DSCAM: variants seen among roughly 807,000 people sequenced by gnomAD.
DSCAM encodes the protein cell adhesion molecule DSCAM.
In DSCAM, 47 loss-of-function variants were observed where a neutral mutation model predicts 217.7. The ratio of observed to expected loss-of-function variants is 0.22; its 90% CI spans 0.17 to 0.28. The LOEUF (loss-of-function observed/expected upper bound fraction) is 0.28, where lower values mean the gene tolerates loss of function less well. Among genes scored for constraint, DSCAM ranks in the 10% least tolerant of loss-of-function variants. The pLI, the probability that DSCAM is intolerant of heterozygous loss-of-function variation, is 1.00. For missense variants in DSCAM, 2,080 were observed against 2,618.3 expected (o/e 0.79, Z 4.49); for synonymous variants, 1,056 against 1,015.3 (o/e 1.04, Z -0.76).
intron 3 of DSCAM, chr21:40,384,932 G>A (rs527582763): frequency 1.3e-5 from 2 of 152,084 alleles, no homozygotes; most frequent in East Asian, 3.9e-4. Flanking sequence ...GTTAACATTT[G>A]GTGTAATTTG....
At chr21:40,033,684 A>T (rs923737566) in intron 32 of DSCAM, among the ~76,000 whole-genome samples, 2 of 151,828 alleles carry the variant, frequency 1.3e-5, no homozygotes, top group Admixed American at 1.3e-4. Context: ...CAGCTCAAGG[A>T]GGCCTGCCTG....
At chr21:40,796,211 C>T (rs180892829) in intron 1 of DSCAM, among the ~76,000 whole-genome samples, 1 of 152,168 alleles carries the variant, frequency 6.6e-6, no homozygotes, top group Non-Finnish European at 1.5e-5. Flanking sequence ...TCATTGACAT[C>T]AGGCTTGGCC....
chr21:40,489,699 C>A (rs370367783), intron 3 of DSCAM, among the ~76,000 whole-genome samples: 2 of 127,706 alleles, frequency 1.6e-5, no homozygotes, highest in South Asian at 2.7e-4. Flanking sequence ...GGCGTGAACC[C>A]GGGAGGCGGA....
intron 1 of DSCAM, among the ~76,000 whole-genome samples, chr21:40,714,240 G>A (rs1484205486): frequency 6.6e-6 from 1 of 152,182 alleles, no homozygotes; most frequent in African/African-American, 2.4e-5. Flanking sequence ...GTCCACTAGA[G>A]TAATGCCTAG....
At chr21:40,463,159 T>C (rs1056245515) in intron 3 of DSCAM, among the ~76,000 whole-genome samples, 5 of 152,142 alleles carry the variant, frequency 3.3e-5, no homozygotes, top group African/African-American at 1.2e-4. Flanking sequence ...TTCCTTAGGA[T>C]ACTAAAATGA....
chr21:40,569,972 T>C (rs1243755088), intron 3 of DSCAM, among the ~76,000 whole-genome samples: 2 of 152,288 alleles, frequency 1.3e-5, no homozygotes, highest in African/African-American at 2.4e-5. Flanking sequence ...ACAAAATGAA[T>C]GCCAAAAGCT....
intron 3 of DSCAM, among the ~76,000 whole-genome samples, chr21:40,632,439 T>C (rs1250344204): frequency 6.6e-6 from 1 of 152,160 alleles, no homozygotes; most frequent in East Asian, 1.9e-4. Flanking sequence ...CTATCACACA[T>C]ATATTGGGGA....
intron 19 of DSCAM, among the ~76,000 whole-genome samples, chr21:40,126,184 GAAATT>G (rs2090091500): frequency 6.7e-6 from 1 of 148,946 alleles, no homozygotes; most frequent in African/African-American, 2.5e-5. Flanking sequence ...AGTTAGAAAA[GAAATT>G]AAAAAGAGAA....
intron 8 of DSCAM, among the ~76,000 whole-genome samples, chr21:40,330,151 A>G (rs1344321369): frequency 6.6e-6 from 1 of 151,270 alleles, no homozygotes; most frequent in Admixed American, 6.6e-5. Flanking sequence ...TTTATTTAAA[A>G]TGTAAATACA....
chr21:40,838,393 G>T (rs941263128), intron 1 of DSCAM, among the ~76,000 whole-genome samples: 4 of 152,138 alleles, frequency 2.6e-5, no homozygotes, highest in Non-Finnish European at 5.9e-5. Flanking sequence ...ACCCATTCAC[G>T]CTGGTCCTAA....
chr21:40,265,207 A>C (rs1258338889), intron 11 of DSCAM, among the ~76,000 whole-genome samples: 2 of 148,372 alleles, frequency 1.3e-5, no homozygotes, highest in African/African-American at 5.0e-5. Context: ...AAAAAAAAAG[A>C]AAAAAAAAAG....
At chr21:40,158,841 A>AACAGGAAGAGTTTATT (rs1341880950) in intron 16 of DSCAM, among the ~76,000 whole-genome samples, 1 of 152,252 alleles carries the variant, frequency 6.6e-6, no homozygotes, top group Non-Finnish European at 1.5e-5. Flanking sequence ...TTTTCAAAAG[A>AACAGGAAGAGTTTATT]ACAGGAAGAG....
Position 40,020,905 on chromosome 21 carries a change from G to T in DSCAM, c.5687-7519C>A, listed in dbSNP as rs570707632. Among the ~76,000 whole-genome samples, 11 of 152,276 alleles carry T rather than the reference G, an allele frequency of 7.2e-5. No homozygotes were observed. The East Asian group carries it at 1.7e-3, about 24-fold the overall frequency. ...ATGAACCCACTGTGCTCTGCCCTGA[G>T]GCCAATGCCCTTCCTGTCAGAGACC... On this transcript the variant is annotated intron_variant, in intron 32 of 32. Transcript: ENST00000400454.
At chr21:40,825,594 G>C (rs1432829208) in intron 1 of DSCAM, among the ~76,000 whole-genome samples, 1 of 152,092 alleles carries the variant, frequency 6.6e-6, no homozygotes, top group Non-Finnish European at 1.5e-5. Flanking sequence ...CTGGGTTACA[G>C]GCATGAGCCA....
chr21:40,103,420 T>C (rs1418151873), intron 20 of DSCAM, among the ~76,000 whole-genome samples: 1 of 152,198 alleles, frequency 6.6e-6, no homozygotes, highest in Non-Finnish European at 1.5e-5. Context: ...TCTTCTTGTT[T>C]AGTGGCAAAG....
chr21:40,173,107 A>G (rs2090677018), intron 15 of DSCAM, among the ~76,000 whole-genome samples: 1 of 152,198 alleles, frequency 6.6e-6, no homozygotes, highest in Non-Finnish European at 1.5e-5. Flanking sequence ...GCAGTGAGTG[A>G]GCAGAACAAG....
intron 3 of DSCAM, among the ~76,000 whole-genome samples, chr21:40,541,997 A>G (rs2146134139): frequency 6.6e-6 from 1 of 152,340 alleles, no homozygotes; most frequent in African/African-American, 2.4e-5. Context: ...GAAAGCAAAG[A>G]AAGAACCAAG....
chr21:40,112,014 G>T (rs1238805805), intron 20 of DSCAM, among the ~76,000 whole-genome samples: 2 of 151,922 alleles, frequency 1.3e-5, no homozygotes, highest in African/African-American at 2.4e-5. Flanking sequence ...CAACGAGACA[G>T]AAAGTTAACA....
chr21:40,748,700 C>T (rs2091198356), intron 1 of DSCAM, among the ~76,000 whole-genome samples: 1 of 152,004 alleles, frequency 6.6e-6, no homozygotes, highest in Admixed American at 6.6e-5. Flanking sequence ...ATAAAAATCT[C>T]AATGACATTC....
Sources: gnomAD v4.1 joint callset for allele counts (sites outside exome capture counted in the v4.1 genomes callset) on GRCh38, gnomAD v4.1.1 for gene constraint, MANE v1.5 for transcripts, NCBI Gene and HGNC (gene_info 2026-07-23, HGNC 2026-07-21) for gene names.